VWF: variants seen among roughly 807,000 people sequenced by gnomAD.
VWF encodes Factor VIII related antigen.
In VWF, 176 loss-of-function variants were observed where a neutral mutation model predicts 308.6. That is an observed-to-expected ratio of 0.57 (90% CI 0.50 to 0.65). The LOEUF (loss-of-function observed/expected upper bound fraction) is 0.65, where lower values mean the gene tolerates loss of function less well. VWF is among the 30% of genes least tolerant of loss of function. VWF has a pLI of 0.00. For synonymous variants in VWF, 1,385 were observed against 1,443.4 expected (o/e 0.96, Z 0.92); for missense variants, 3,146 against 3,648.2 (o/e 0.86, Z 3.55).
At chr12:6,090,427 C>A (rs1483954627) in intron 6 of VWF, among the ~76,000 whole-genome samples, 2 of 152,106 alleles carry the variant, frequency 1.3e-5, no homozygotes, top group Non-Finnish European at 2.9e-5. Flanking sequence ...CTCGGCTACC[C>A]AAAAGGAATG....
rs532967106 is a variant in VWF at position 6,072,890 on chromosome 12, C to T, written c.998-448G>A. Among the ~76,000 whole-genome samples, 24 of 150,496 alleles carry T rather than the reference C, an allele frequency of 1.6e-4. No homozygotes were observed. The South Asian group carries it at 4.4e-3, about 28-fold the overall frequency. ...AATAACTTTTTTTTTTTTTTGAGACCGAGTCTCGTTCTGTCACCCAGGATG... is the reference window on the plus strand; with the variant it reads ...AATAACTTTTTTTTTTTTTTGAGACTGAGTCTCGTTCTGTCACCCAGGATG... On this transcript the variant is annotated intron_variant, in intron 8 of 51. Coordinates refer to ENST00000261405, the MANE Select transcript of VWF (RefSeq NM_000552.5).
intron 9 of VWF, among the ~76,000 whole-genome samples, chr12:6,071,667 G>C (rs577211922): frequency 2.0e-4 from 31 of 152,352 alleles, no homozygotes; most frequent in African/African-American, 7.2e-4. Context: ...GTGGCAGAGA[G>C]CAAGAGAGCG....
chr12:6,107,421 A>G (rs1287161736), intron 5 of VWF, among the ~76,000 whole-genome samples: 3 of 152,236 alleles, frequency 2.0e-5, no homozygotes, highest in Non-Finnish European at 4.4e-5. Context: ...TAACCTCAAT[A>G]AATCTGACTT....
chr12:5,993,723 T>A, intron 37 of VWF, 139 bp downstream of exon 37: 2 of 709,548 alleles, frequency 2.8e-6, no homozygotes, highest in Non-Finnish European at 4.9e-6. Flanking sequence ...TCTTATTTGA[T>A]CCTAACTGGA....
chr12:6,110,237 T>G (rs1004032010), intron 5 of VWF, 137 bp downstream of exon 5: 3 of 937,600 alleles, frequency 3.2e-6, no homozygotes, highest in Non-Finnish European at 5.3e-6. Context: ...TGCAAAGAGA[T>G]AAGGTTGGCA....
chr12:6,010,379 G>A (rs1047652760), intron 34 of VWF, among the ~76,000 whole-genome samples: 8 of 152,168 alleles, frequency 5.3e-5, no homozygotes, highest in African/African-American at 1.9e-4. Context: ...ATACCTCGCT[G>A]ATCGAAAACC....
chr12:6,001,954 A>T (rs1439363578), intron 34 of VWF, among the ~76,000 whole-genome samples: 1 of 152,122 alleles, frequency 6.6e-6, no homozygotes, highest in Non-Finnish European at 1.5e-5. Context: ...TTACACTTGG[A>T]AATTTTTTTA....
intron 3 of VWF, among the ~76,000 whole-genome samples, chr12:6,113,280 G>A (rs1311120569): frequency 6.6e-6 from 1 of 151,550 alleles, no homozygotes; most frequent in Non-Finnish European, 1.5e-5. Flanking sequence ...AACTGGAAAA[G>A]TGATTGCGTA....
intron 42 of VWF, among the ~76,000 whole-genome samples, chr12:5,978,851 A>G (rs1943561288): frequency 6.6e-6 from 1 of 152,144 alleles, no homozygotes; most frequent in South Asian, 2.1e-4. Flanking sequence ...AGGTAGGGGG[A>G]CTTTTGTCAA....
rs1185203171 is a variant in VWF, at chr12:6,022,977, G to C, written c.3380-79C>G. ...GCAGACCCATGTGGTGATGGCCTGC[G>C]CCATCTGGAGATAATGTTGGGGAAC... On this transcript the variant is annotated intron_variant, in intron 25 of 51. Transcript: ENST00000261405. 5.1e-5 allele frequency: 18 copies of C among 353,580 alleles called. 1 individual carries two copies. Among genetic ancestry groups the C allele is most frequent in the South Asian group, 3.8e-4 (17 of 45,040 alleles). 21.9% of individuals were successfully genotyped at this position (353,580 alleles called of 1,614,324 possible).
intron 5 of VWF, among the ~76,000 whole-genome samples, chr12:6,108,377 T>C (rs557482326): frequency 1.0e-3 from 96 of 92,392 alleles, no homozygotes; most frequent in African/African-American, 3.0e-3. Context: ...AAAGCAAAAT[T>C]TGACAGAATT....
At chr12:5,961,621 T>A (rs1321046734) in intron 47 of VWF, among the ~76,000 whole-genome samples, 2 of 143,962 alleles carry the variant, frequency 1.4e-5, no homozygotes, top group East Asian at 4.0e-4. Flanking sequence ...TTACTACAAC[T>A]AATAAGTGAA....
rs185664337 is a variant in VWF at position 5,975,995 on chromosome 12, G to A, written c.7437+116C>T. On this transcript the variant is annotated intron_variant, in intron 43 of 51. Coordinates refer to ENST00000261405, the MANE Select transcript of VWF (RefSeq NM_000552.5). ...TGTGCCACTGCACTCCAGCCTGGGC[G>A]ACAGAGCGAGTCTCCATTTCAAAAA... 215 of 1,442,514 alleles carry A rather than the reference G, an allele frequency of 1.5e-4. No individual in the cohort carries two copies. The African/African-American group carries it at 2.3e-3, about 15-fold the overall frequency. 89.4% of individuals were successfully genotyped at this position (1,442,514 alleles called of 1,614,324 possible).
At chr12:6,087,356 T>A (rs1209165177) in intron 6 of VWF, among the ~76,000 whole-genome samples, 1 of 137,228 alleles carries the variant, frequency 7.3e-6, no homozygotes, top group African/African-American at 2.7e-5. Flanking sequence ...ACTTAACTCT[T>A]TTTTTTTTTT....
At chr12:6,012,703 ATTTTT>A (rs148790795) in intron 32 of VWF, among the ~76,000 whole-genome samples, 2 of 130,814 alleles carry the variant, frequency 1.5e-5, no homozygotes, top group Non-Finnish European at 1.6e-5. Flanking sequence ...GTGTGTGTGT[ATTTTT>A]TTTTTTTTTT....
intron 38 of VWF, among the ~76,000 whole-genome samples, chr12:5,987,820 C>T (rs1157472144): frequency 6.6e-6 from 1 of 152,038 alleles, no homozygotes; most frequent in Non-Finnish European, 1.5e-5. Flanking sequence ...GAAAGCAGAC[C>T]AGTAGTTGTC....
chr12:5,990,894 AAAAAAAAAAAAAAAT>A (rs1223589416), intron 38 of VWF, among the ~76,000 whole-genome samples: 3,137 of 66,506 alleles, frequency 0.047, 266 homozygotes, highest in South Asian at 0.077. Flanking sequence ...AAAAAAAAAA[AAAAAAAAAAAAAAAT>A]TTTGATGACT....
chr12:5,972,190 T>C (rs748014866), intron 43 of VWF, among the ~76,000 whole-genome samples: 3 of 152,198 alleles, frequency 2.0e-5, no homozygotes, highest in Non-Finnish European at 2.9e-5. Context: ...AAGAGGTTAC[T>C]TGACATTTAC....
chr12:5,951,732 C>T, intron 50 of VWF, 112 bp downstream of exon 50: 1 of 1,200,450 alleles, frequency 8.3e-7, no homozygotes, highest in South Asian at 1.2e-5. Context: ...ATAAAGCTTA[C>T]TCCAAAGAAC....
Sources: gnomAD v4.1 joint callset for allele counts (sites outside exome capture counted in the v4.1 genomes callset) on GRCh38, gnomAD v4.1.1 for gene constraint, MANE v1.5 for transcripts, NCBI Gene and HGNC (gene_info 2026-07-23, HGNC 2026-07-21) for gene names.